UNC13C: variants seen among roughly 807,000 people sequenced by gnomAD.
UNC13C encodes protein unc-13 homolog C.
A neutral mutation model predicts 245.4 loss-of-function variants in UNC13C; 174 were observed. The observed-to-expected ratio is 0.71, with a 90% CI of 0.63 to 0.80. The LOEUF (loss-of-function observed/expected upper bound fraction) is 0.80. UNC13C is among the 30% of genes least tolerant of loss of function. The pLI is 0.00. For synonymous variants in UNC13C, 992 were observed against 895.1 expected, an observed-to-expected ratio of 1.11 and a Z score of -1.93; for missense variants, 2,829 against 2,602.9, an observed-to-expected ratio of 1.09 and a Z score of -1.89.
At chr15:54,284,225 T>C (rs2037081189) in intron 10 of UNC13C, among the ~76,000 whole-genome samples, 1 of 152,174 alleles carries the variant, frequency 6.6e-6, no homozygotes, top group Non-Finnish European at 1.5e-5. Flanking sequence ...CAAACATACA[T>C]CCAAAGTGGA....
At position 54,622,336 on chromosome 15, in the gene UNC13C, C is replaced by T. The variant is rs1201063184; in HGVS notation, c.6116C>T (p.Ser2039Phe). 3 of 1,613,104 alleles carry T rather than the reference C, an allele frequency of 1.9e-6. No homozygotes were observed. Among genetic ancestry groups the T allele is most frequent in the South Asian group, 1.1e-5 (1 of 91,066 alleles). The change falls in exon 31 of 33, where the codon TCC becomes TTC. Residue 2039 changes from serine to phenylalanine, a missense_variant. Coordinates refer to ENST00000260323, the MANE Select transcript of UNC13C (RefSeq NM_001080534.3). ...IDTQTSQSRS[S>F]KDAVGQISVH... The stretch of plus-strand genomic sequence containing the variant: ...CTCTGCTTATTTTCAGGTCGTTCCT[C>T]CAAAGATGCCGTGGGTCAGATATCT...
intron 17 of UNC13C, among the ~76,000 whole-genome samples, chr15:54,359,111 AG>A (rs2039168174): frequency 6.6e-6 from 1 of 151,832 alleles, no homozygotes; most frequent in Non-Finnish European, 1.5e-5. Flanking sequence ...TGATTCTGTT[AG>A]TATGATGTAT....
At chr15:54,059,147 C>G (rs1175403480) in intron 2 of UNC13C, among the ~76,000 whole-genome samples, 1 of 152,060 alleles carries the variant, frequency 6.6e-6, no homozygotes, top group Non-Finnish European at 1.5e-5. Flanking sequence ...AAAGGGTGTT[C>G]AATTGGGAAA....
At chr15:53,991,649 C>T (rs561551962) in intron 1 of UNC13C, among the ~76,000 whole-genome samples, 39 of 152,190 alleles carry the variant, frequency 2.6e-4, no homozygotes, top group African/African-American at 9.1e-4. Context: ...TGTGCATCTT[C>T]TTGCCTCTAG....
At chr15:54,039,372 T>A (rs1896718834) in intron 2 of UNC13C, among the ~76,000 whole-genome samples, 1 of 152,226 alleles carries the variant, frequency 6.6e-6, no homozygotes, top group African/African-American at 2.4e-5. Flanking sequence ...TTCATATTGT[T>A]CCTGACTGGC....
At chr15:54,075,251 C>T (rs1296206024) in intron 2 of UNC13C, among the ~76,000 whole-genome samples, 1 of 151,904 alleles carries the variant, frequency 6.6e-6, no homozygotes, top group Non-Finnish European at 1.5e-5. Context: ...TTTGAGAGGC[C>T]GAGGCGGGCG....
intron 17 of UNC13C, among the ~76,000 whole-genome samples, chr15:54,363,725 G>T (rs898439782): frequency 3.3e-5 from 5 of 152,168 alleles, no homozygotes; most frequent in African/African-American, 1.2e-4. Flanking sequence ...GACTATTTGG[G>T]TAAGCTGTCT....
At chr15:54,422,285 T>G (rs10444833) in intron 19 of UNC13C, among the ~76,000 whole-genome samples, 39,291 of 151,858 alleles carry the variant, frequency 0.26, 5,270 homozygotes, top group African/African-American at 0.31. Context: ...TACCTCCAAC[T>G]AGTTCTAGCC....
Position 54,014,599 on chromosome 15 carries a change from GA to G in UNC13C, c.1700del (p.Asn567IlefsTer40). On this transcript the variant is annotated frameshift_variant, in exon 2 of 33. Transcript: ENST00000260323. LOFTEE classifies it high-confidence loss of function. Reference protein sequence around the residue: ...LCQSYSEDFSENQFFTRTNGS... With the variant: ...LCQSYSEDFSXNQFFTRTNGS... ...TCAGTCTTACTCAGAAGATTTTTCA[GA>G]AAATCAGTTTTTCACTAGAACTAAT... The G allele has an allele frequency of 6.2e-7, 1 of 1,613,610 alleles. No homozygotes were observed. The highest frequency in any genetic ancestry group is 8.5e-7 in the Non-Finnish European group (1 of 1,179,788).
At chr15:53,864,352 A>G in the UNC13C span, among the ~76,000 whole-genome samples, 9 of 152,206 alleles carry the variant, frequency 5.9e-5, no homozygotes, top group Non-Finnish European at 1.3e-4. Flanking sequence ...GGAAAATAAT[A>G]ATAAAAGTTG....
intron 25 of UNC13C, among the ~76,000 whole-genome samples, chr15:54,526,283 G>GA (rs1319986114): frequency 6.6e-6 from 1 of 152,070 alleles, no homozygotes; most frequent in African/African-American, 2.4e-5. Context: ...AGTTCTGTAG[G>GA]AAAAATCTAT....
chr15:54,453,366 G>C (rs1207495871), intron 19 of UNC13C, among the ~76,000 whole-genome samples: 1 of 152,098 alleles, frequency 6.6e-6, no homozygotes, highest in African/African-American at 2.4e-5. Context: ...GTTGAATCCT[G>C]ATGTTCTCTC....
Position 54,014,349 on chromosome 15 carries a change from A to G in UNC13C, c.1446A>G (p.Pro482=). The G allele has an allele frequency of 6.2e-7, 1 of 1,613,896 alleles. No individual in the cohort carries two copies. Among genetic ancestry groups the G allele is most frequent in the Non-Finnish European group, 8.5e-7 (1 of 1,179,826 alleles). ...TAACAAAGGGAAGTACTTCCAAGCC[A>G]AGCTCAAAATCACACAGTGCTAGAT... ...ELLTKGSTSK[P]SSKSHSARSK... is the part of the protein sequence containing the mutation. Residue 482 remains proline, a synonymous_variant, in exon 2 of 33, where the codon CCA becomes CCG. Coordinates refer to ENST00000260323, the MANE Select transcript of UNC13C (RefSeq NM_001080534.3).
chr15:54,284,251 CAAAT>C (rs1277868387), intron 10 of UNC13C, among the ~76,000 whole-genome samples: 5 of 152,206 alleles, frequency 3.3e-5, no homozygotes, highest in South Asian at 2.1e-4. Context: ...TTTCTTCAAA[CAAAT>C]AGTTTAATTT....
chr15:54,040,789 T>C (rs145937462), intron 2 of UNC13C, among the ~76,000 whole-genome samples: 8 of 152,360 alleles, frequency 5.3e-5, no homozygotes, highest in Admixed American at 4.6e-4. Flanking sequence ...TGTCTGCAAC[T>C]GAGCCTTTGC....
intron 30 of UNC13C, among the ~76,000 whole-genome samples, chr15:54,594,463 G>A (rs1249453870): frequency 6.6e-6 from 1 of 152,048 alleles, no homozygotes; most frequent in African/African-American, 2.4e-5. Context: ...AGGGCTAGGT[G>A]TGTCTGAGCT....
chr15:53,879,019 C>A, the UNC13C span, among the ~76,000 whole-genome samples: 1 of 152,236 alleles, frequency 6.6e-6, no homozygotes, highest in Admixed American at 6.5e-5. Flanking sequence ...AAAGAGTCAC[C>A]TGCAAATTCT....
chr15:54,214,950 T>C (rs577060258), intron 4 of UNC13C, among the ~76,000 whole-genome samples: 2 of 151,886 alleles, frequency 1.3e-5, no homozygotes, highest in Admixed American at 6.6e-5. Context: ...GGATTTTTTT[T>C]CAAAAAAATA....
chr15:54,169,547 A>T (rs2033307270), intron 4 of UNC13C, among the ~76,000 whole-genome samples: 1 of 152,160 alleles, frequency 6.6e-6, no homozygotes, highest in Admixed American at 6.5e-5. Context: ...TTGAAATTCA[A>T]TGTATTTAAC....
Sources: allele counts gnomAD v4.1 joint callset (sites outside exome capture counted in the v4.1 genomes callset), GRCh38; gene constraint gnomAD v4.1.1; transcripts MANE v1.5; gene names NCBI Gene and HGNC (gene_info 2026-07-23, HGNC 2026-07-21).